The following ENTPD4 variants were observed in gnomAD, a reference collection of about 807,000 sequenced individuals.
The protein encoded by ENTPD4 is ectonucleoside triphosphate diphosphohydrolase 4, also known as Golgi UDPase.
Under a neutral mutation model 79.1 loss-of-function variants are expected in ENTPD4, and 60 were observed. The ratio of observed to expected loss-of-function variants is 0.76; its 90% confidence interval spans 0.62 to 0.94. The LOEUF is 0.94. ENTPD4 is among the 40% of genes least tolerant of loss of function. The pLI is 0.00. For synonymous variants in ENTPD4, 276 were observed against 292.0 expected (o/e 0.95, Z 0.56); for missense variants, 772 against 775.1 (o/e 1.00, Z 0.05).
chr8:23,444,064 C>A, intron 5 of ENTPD4, 111 bp from the exon 6 acceptor site: 1 of 668,108 alleles, frequency 1.5e-6, no homozygotes, highest in South Asian at 2.2e-5. Flanking sequence ...TCTGGTATAT[C>A]TTGTATGAAA....
rs745343779 is a variant in ENTPD4 at position 23,434,461 on chromosome 8, G to A, written c.1478C>T (p.Ser493Leu). The change falls in exon 12 of 13, where the codon TCG becomes TTG. Residue 493 changes from serine to leucine, a missense_variant. By Grantham distance (145) the Ser-to-Leu change is moderately radical. Coordinates refer to ENST00000358689, the MANE Select transcript of ENTPD4 (RefSeq NM_004901.5). ...LHRLKYQCFK[S>L]AWMFEVFHRG... ...ATGAAACACCTCAAACATCCAGGCC[G>A]ATTTGAAGCACTGATACCTACAAAC... is the stretch of plus-strand genomic sequence containing the variant. 6 of 1,613,924 alleles carry A rather than the reference G, an allele frequency of 3.7e-6. No homozygotes were observed. Among genetic ancestry groups the A allele is most frequent in the East Asian group, 4.5e-5 (2 of 44,888 alleles).
At position 23,430,025 on chromosome 8, in the gene ENTPD4, G is replaced by A. The variant is rs1459458105; in HGVS notation, c.*2901C>T. The A allele has an allele frequency of 1.0e-6, 1 of 985,290 alleles. No individual in the cohort carries two copies. The highest frequency in any genetic ancestry group is 1.1e-4 in the East Asian group (1 of 8,834). The allele number at this position is 985,290 out of a possible 1,614,324, so 61.0% of individuals were successfully genotyped here. A position where few individuals can be genotyped will look rare whatever the true frequency, so the allele number is the denominator to read the frequency against. On this transcript the variant is annotated 3_prime_UTR_variant, in exon 13 of 13. Transcript: ENST00000358689. Reference sequence around the variant, plus strand: ...CAATGCTTTTCTTTGATAAAGCTTTGGGCAAGTTCCTAGTCCAATTTCTTC... The same window carrying A: ...CAATGCTTTTCTTTGATAAAGCTTTAGGCAAGTTCCTAGTCCAATTTCTTC...
intron 8 of ENTPD4, 106 bp downstream of exon 8, chr8:23,441,459 TCAGC>T: frequency 2.0e-6 from 3 of 1,515,570 alleles, no homozygotes; most frequent in Non-Finnish European, 1.8e-6. Flanking sequence ...AGGCGGCACC[TCAGC>T]CAGCACAGTA....
At position 23,434,333 on chromosome 8, in the gene ENTPD4, G is replaced by A. The variant is rs765349447; in HGVS notation, c.1606C>T (p.Arg536Cys). Residue 536 changes from arginine (R) to cysteine (C), a missense_variant, in exon 12 of 13, where the codon CGC (arginine) becomes TGC (cysteine). Transcript: ENST00000358689. ...CAGCCCTACCTTAATGGTAGAAAGC[G>A]GGTCCTGTAGAGGATGGCTCCAAGG... ...WTLGAILYRT[R>C]FLPLRDIQQE... is the part of the protein sequence containing the mutation. 3.8e-5 allele frequency: 61 copies of A among 1,614,056 alleles called. No homozygotes were observed. Among genetic ancestry groups the A allele is most frequent in the East Asian group, 4.5e-5 (2 of 44,888 alleles).
intron 4 of ENTPD4, among the ~76,000 whole-genome samples, 195 bp from the exon 5 acceptor site, chr8:23,444,801 TTCA>T (rs1800737322): frequency 6.6e-6 from 1 of 152,190 alleles, no homozygotes; most frequent in Admixed American, 6.5e-5. Flanking sequence ...CCTTTTCTTC[TTCA>T]TCAAAGCACA....
intron 7 of ENTPD4, 126 bp from the exon 8 acceptor site, chr8:23,441,849 A>G (rs1800677455): frequency 1.1e-5 from 13 of 1,212,038 alleles, no homozygotes; most frequent in Admixed American, 6.3e-5. Context: ...ACTCCTCCCA[A>G]CTAAAATCAA....
intron 9 of ENTPD4, 30 bp from the exon 10 acceptor site, chr8:23,437,288 G>C: frequency 2.6e-6 from 4 of 1,516,198 alleles, no homozygotes; most frequent in Non-Finnish European, 3.6e-6. Context: ...TTCATCGTGA[G>C]TCCTACAGAA....
chr8:23,435,521 T>A (rs1236176162), intron 10 of ENTPD4, 44 bp from the exon 11 acceptor site: 2 of 1,417,174 alleles, frequency 1.4e-6, no homozygotes, highest in African/African-American at 2.8e-5. Flanking sequence ...AAAGGCTTAT[T>A]AAAATTCTCA....
At chr8:23,451,125 G>A (rs550680036) in intron 1 of ENTPD4, among the ~76,000 whole-genome samples, 8 of 151,156 alleles carry the variant, frequency 5.3e-5, no homozygotes, top group Admixed American at 3.3e-4. Flanking sequence ...AGGTTAAAGC[G>A]ATTCTCCTGC....
intron 1 of ENTPD4, among the ~76,000 whole-genome samples, chr8:23,457,301 G>A (rs903170857): frequency 1.4e-5 from 2 of 143,110 alleles, no homozygotes; most frequent in Non-Finnish European, 3.0e-5. Flanking sequence ...ACCGCCAGGT[G>A]TCCCCTGCCA....
chr8:23,449,274 T>A lies in ENTPD4; in HGVS notation c.9-335A>T, dbSNP rs146247117. ...GAGAATAACTTCAATAACATAAATA[T>A]ATAAATCGATCATGAAATCGAGTGT... On this transcript the variant is annotated intron_variant, in intron 2 of 12. Transcript: ENST00000358689. 4.7e-4 allele frequency among the ~76,000 whole-genome samples: 72 copies of A among 152,250 alleles called. No homozygotes were observed. The East Asian group carries it at 0.012, about 25-fold the overall frequency.
chr8:23,441,553 T>A lies in ENTPD4; in HGVS notation c.882+16A>T, dbSNP rs145014311. 1 of 1,607,766 alleles carries A rather than the reference T, an allele frequency of 6.2e-7. No homozygotes were observed. Among genetic ancestry groups the A allele is most frequent in the Non-Finnish European group, 8.5e-7 (1 of 1,176,526 alleles). Reference sequence around the variant, plus strand: ...AAAACCAAACCAAACAGAAGGAAATTTGTACAGATAATGACCTGCTGTGAG... The same window carrying A: ...AAAACCAAACCAAACAGAAGGAAATATGTACAGATAATGACCTGCTGTGAG... On this transcript the variant is annotated intron_variant, in intron 8 of 12. Coordinates refer to ENST00000358689, the MANE Select transcript of ENTPD4 (RefSeq NM_004901.5).
In ENTPD4 at chr8:23,437,035, T is replaced by G; in HGVS notation, c.1273A>C (p.Asn425His). The change falls in exon 10 of 13, where the codon AAC (asparagine) becomes CAC (histidine). Residue 425 changes from asparagine to histidine, a missense_variant. Coordinates refer to ENST00000358689, the MANE Select transcript of ENTPD4 (RefSeq NM_004901.5). ...TCGGAGAAGCCATAGAATTCACTGTTCTGGAAGTGAATTGGGGGCTGGTAG... is the reference window on the plus strand; with the variant it reads ...TCGGAGAAGCCATAGAATTCACTGTGCTGGAAGTGAATTGGGGGCTGGTAG... ...GVYQPPIHFQ[N>H]SEFYGFSEFY... The G allele has an allele frequency of 1.2e-6, 2 of 1,613,982 alleles. No individual in the cohort carries two copies. Among genetic ancestry groups the G allele is most frequent in the Non-Finnish European group, 1.7e-6 (2 of 1,179,790 alleles).
In ENTPD4 at chr8:23,443,965, T is replaced by C. The variant is rs1563225758; in HGVS notation, c.564-12A>G. ...TAGCTTTCTGCTGGCTGTAAAGTAA[T>C]AAAAACATTTACAAATCAAAAGATT... On this transcript the variant is annotated splice_polypyrimidine_tract_variant and intron_variant, in intron 5 of 12. Coordinates refer to ENST00000358689, the MANE Select transcript of ENTPD4 (RefSeq NM_004901.5). 2 of 1,540,110 alleles carry C rather than the reference T, an allele frequency of 1.3e-6. No individual in the cohort carries two copies. Among genetic ancestry groups the C allele is most frequent in the Non-Finnish European group, 1.8e-6 (2 of 1,117,700 alleles).
intron 1 of ENTPD4, among the ~76,000 whole-genome samples, chr8:23,454,990 A>T (rs1042128300): frequency 7.2e-5 from 11 of 152,226 alleles, no homozygotes; most frequent in Non-Finnish European, 1.3e-4. Context: ...GACATGTTTT[A>T]AAAAAGCCTA....
intron 4 of ENTPD4, 107 bp from the exon 5 acceptor site, chr8:23,444,713 C>T (rs1286901496): frequency 1.0e-6 from 1 of 966,672 alleles, no homozygotes; most frequent in East Asian, 2.5e-5. Flanking sequence ...CATTACACTT[C>T]CTTAGTTTTT....
chr8:23,437,467 C>G (rs772015949), intron 9 of ENTPD4, among the ~76,000 whole-genome samples: 1 of 152,172 alleles, frequency 6.6e-6, no homozygotes, highest in African/African-American at 2.4e-5. Flanking sequence ...AACTTGCCTG[C>G]AGCAGACAGG....
chr8:23,449,024 G>T, intron 2 of ENTPD4, 85 bp from the exon 3 acceptor site: 1 of 1,146,594 alleles, frequency 8.7e-7, no homozygotes, highest in Non-Finnish European at 1.3e-6. Context: ...TAAGATATTT[G>T]GCTTGAGCTA....
Position 23,432,795 on chromosome 8 carries a change from G to C in ENTPD4, c.*131C>G. On this transcript the variant is annotated 3_prime_UTR_variant, in exon 13 of 13. Transcript: ENST00000358689. Reference sequence around the variant, plus strand: ...TTACAGGCGTGAGCCACCGCGCTCGGCCTGCATTTTGTTTTTGTTTGGAGG... The same window carrying C: ...TTACAGGCGTGAGCCACCGCGCTCGCCCTGCATTTTGTTTTTGTTTGGAGG... The C allele has an allele frequency of 6.9e-7, 1 of 1,440,310 alleles. No homozygotes were observed. The highest frequency in any genetic ancestry group is 9.1e-7 in the Non-Finnish European group (1 of 1,100,802). The allele number at this position is 1,440,310 out of a possible 1,614,324, so 89.2% of individuals were successfully genotyped here.
Sources: gnomAD v4.1 joint callset for allele counts (sites outside exome capture counted in the v4.1 genomes callset) on GRCh38, gnomAD v4.1.1 for gene constraint, MANE v1.5 for transcripts, NCBI Gene and HGNC (gene_info 2026-07-23, HGNC 2026-07-21) for gene names.